ZC3H11A: variants seen among roughly 807,000 people sequenced by gnomAD.
The protein encoded by ZC3H11A is zinc finger CCCH-type containing 11A, also known as zinc finger CCCH domain-containing protein 11A.
Under a neutral mutation model 90.8 loss-of-function variants are expected in ZC3H11A, and 22 were observed. That is an observed-to-expected ratio of 0.24 (90% CI 0.17 to 0.35). ZC3H11A has a LOEUF of 0.35. ZC3H11A is among the 10% of genes least tolerant of loss of function. The pLI is 1.00. For missense variants in ZC3H11A, 701 were observed against 964.9 expected (o/e 0.73, Z 3.62); for synonymous variants, 294 against 339.8 (o/e 0.87, Z 1.48).
chr1:203,833,055 G>A (rs1171849515), intron 9 of ZC3H11A, among the ~76,000 whole-genome samples: 7 of 151,664 alleles, frequency 4.6e-5, no homozygotes, highest in Non-Finnish European at 7.4e-5. Context: ...CCAACATGGT[G>A]AAACCCTGTC....
intron 8 of ZC3H11A, among the ~76,000 whole-genome samples, chr1:203,831,445 C>G (rs1682326271): frequency 6.6e-6 from 1 of 152,036 alleles, no homozygotes; most frequent in Admixed American, 6.6e-5. Flanking sequence ...CTAAGTCACT[C>G]AAAATAATTT....
At chr1:203,816,655 A>G (rs1676480435) in intron 2 of ZC3H11A, among the ~76,000 whole-genome samples, 1 of 152,098 alleles carries the variant, frequency 6.6e-6, no homozygotes, top group Non-Finnish European at 1.5e-5. Flanking sequence ...AATAAAATGT[A>G]GATCTTTAGT....
chr1:203,847,710 A>G, intron 13 of ZC3H11A, 23 bp downstream of exon 13: 1 of 1,603,226 alleles, frequency 6.2e-7, no homozygotes, highest in Non-Finnish European at 8.5e-7. Flanking sequence ...CTTGGTCTCT[A>G]GTACCACGTC....
intron 2 of ZC3H11A, among the ~76,000 whole-genome samples, chr1:203,815,598 T>C (rs550020364): frequency 1.3e-5 from 2 of 152,242 alleles, no homozygotes; most frequent in African/African-American, 4.8e-5. Context: ...TATAATACAT[T>C]CTAGAAATGG....
intron 10 of ZC3H11A, among the ~76,000 whole-genome samples, chr1:203,837,622 G>A (rs1266072301): frequency 6.6e-6 from 1 of 151,934 alleles, no homozygotes; most frequent in African/African-American, 2.4e-5. Flanking sequence ...CCACAGGTGT[G>A]TGCCACCATG....
chr1:203,852,147 G>A lies in ZC3H11A; in HGVS notation c.2181G>A (p.Val727=), dbSNP rs751432380. 6.2e-7 allele frequency: 1 copy of A among 1,612,996 alleles called. No individual in the cohort carries two copies. The highest frequency in any genetic ancestry group is 2.2e-5 in the East Asian group (1 of 44,846). ...AATCTTTTTTTTCTTACAGTCTTGT[G>A]CTGCCTCCAACCCAGTCCTCTTCAG... ...PEAENPRDSL[V]LPPTQSSSDS... Residue 727 remains valine, a synonymous_variant, in exon 18 of 18, where the codon GTG becomes GTA. Coordinates refer to ENST00000367210, the MANE Select transcript of ZC3H11A (RefSeq NM_001376342.1).
rs975073931 is a variant in ZC3H11A, at chr1:203,852,832, A to G, written c.*433A>G. 2.8e-5 allele frequency: 5 copies of G among 176,418 alleles called. No individual in the cohort carries two copies. Among genetic ancestry groups the G allele is most frequent in the African/African-American group, 4.8e-5 (2 of 41,554 alleles). 10.9% of individuals were successfully genotyped at this position (176,418 alleles called of 1,614,324 possible). A position where few individuals can be genotyped will look rare whatever the true frequency, so the allele number is the denominator to read the frequency against. ...ATGAAGACAGCTGCTACCATTAAGG[A>G]CCAAATTTTATGCTACCACTAAACA... On this transcript the variant is annotated 3_prime_UTR_variant, in exon 18 of 18. Coordinates refer to ENST00000367210, the MANE Select transcript of ZC3H11A (RefSeq NM_001376342.1).
chr1:203,813,292 C>G (rs146055859), intron 2 of ZC3H11A, among the ~76,000 whole-genome samples: 1 of 151,754 alleles, frequency 6.6e-6, no homozygotes, highest in African/African-American at 2.4e-5. Flanking sequence ...CTGCAACCTC[C>G]GCCTCCCAGG....
intron 4 of ZC3H11A, among the ~76,000 whole-genome samples, chr1:203,820,468 A>ATGTGTGTGTGTGTGTGTGTGTG (rs71145033): frequency 0.011 from 1,616 of 150,472 alleles, 40 homozygotes; most frequent in African/African-American, 0.038. Flanking sequence ...ATCACAAATT[A>ATGTGTGTGTGTGTGTGTGTGTG]TGTGTGTGTG....
At chr1:203,840,971 A>T (rs1018652371) in intron 12 of ZC3H11A, among the ~76,000 whole-genome samples, 2 of 152,090 alleles carry the variant, frequency 1.3e-5, no homozygotes, top group African/African-American at 2.4e-5. Context: ...AATATACAAT[A>T]AAAAGGGTTT....
At chr1:203,806,757 T>C (rs1490010918) in intron 2 of ZC3H11A, among the ~76,000 whole-genome samples, 1 of 152,068 alleles carries the variant, frequency 6.6e-6, no homozygotes, top group African/African-American at 2.4e-5. Flanking sequence ...TTCTGGTGAT[T>C]ATGTGCATTT....
At chr1:203,828,516 C>T (rs1045484606) in intron 5 of ZC3H11A, 94 bp downstream of exon 5, 1 of 1,409,590 alleles carries the variant, frequency 7.1e-7, no homozygotes, top group Non-Finnish European at 9.7e-7. Context: ...TCCTTTCAGT[C>T]TTGTGAAACA....
intron 1 of ZC3H11A, chr1:203,797,368 A>G: frequency 2.9e-6 from 2 of 687,074 alleles, no homozygotes; most frequent in South Asian, 2.6e-5. Context: ...TTCCTCCAAA[A>G]ATAACCTGGC....
chr1:203,847,181 C>G lies in ZC3H11A; in HGVS notation c.1043-3C>G. Reference sequence around the variant, plus strand: ...ATGACATGTTTTTCTCCTGTGAAAACAGATAAAGTTAATAAAGTTGGTGAG... The same window carrying G: ...ATGACATGTTTTTCTCCTGTGAAAAGAGATAAAGTTAATAAAGTTGGTGAG... On this transcript the variant is annotated splice_region_variant and splice_polypyrimidine_tract_variant and intron_variant, in intron 12 of 17. Coordinates refer to ENST00000367210, the MANE Select transcript of ZC3H11A (RefSeq NM_001376342.1). 6.2e-7 allele frequency: 1 copy of G among 1,611,730 alleles called. No homozygotes were observed. The highest frequency in any genetic ancestry group is 8.5e-7 in the Non-Finnish European group (1 of 1,179,410).
At chr1:203,828,797 T>A (rs1436819196) in intron 5 of ZC3H11A, among the ~76,000 whole-genome samples, 1 of 152,230 alleles carries the variant, frequency 6.6e-6, no homozygotes, top group Non-Finnish European at 1.5e-5. Flanking sequence ...TTTTCTATTA[T>A]CAGTTTTGTG....
chr1:203,796,729 GC>G (rs1445967532), intron 1 of ZC3H11A: 4 of 346,776 alleles, frequency 1.2e-5, no homozygotes, highest in Non-Finnish European at 2.1e-5. Flanking sequence ...GGCTGTAAAA[GC>G]TTCTCAAGTC....
chr1:203,837,017 T>TG (rs764622514), intron 10 of ZC3H11A, among the ~76,000 whole-genome samples: 45 of 152,136 alleles, frequency 3.0e-4, no homozygotes, highest in Non-Finnish European at 6.2e-4. Flanking sequence ...TTAAGATTTT[T>TG]GGGGGGGCCT....
At chr1:203,820,672 G>C (rs1678315314) in intron 4 of ZC3H11A, among the ~76,000 whole-genome samples, 1 of 151,902 alleles carries the variant, frequency 6.6e-6, no homozygotes, top group African/African-American at 2.4e-5. Flanking sequence ...TAGACACGAG[G>C]TTTCGCGATG....
chr1:203,809,049 C>G (rs7542453), intron 2 of ZC3H11A, among the ~76,000 whole-genome samples: 2 of 151,916 alleles, frequency 1.3e-5, no homozygotes, highest in African/African-American at 4.8e-5. Context: ...AAGCTGGTCT[C>G]GAACTCCTGA....
Sources: allele counts gnomAD v4.1 joint callset (sites outside exome capture counted in the v4.1 genomes callset), GRCh38; gene constraint gnomAD v4.1.1; transcripts MANE v1.5; gene names NCBI Gene and HGNC (gene_info 2026-07-23, HGNC 2026-07-21).